The following CDH12 variants were observed in gnomAD, a reference collection of about 807,000 sequenced individuals.
The protein encoded by CDH12 is cadherin-12.
Under a neutral mutation model 74.1 loss-of-function variants are expected in CDH12, and 41 were observed. That is an observed-to-expected ratio of 0.55 (90% confidence interval 0.43 to 0.72). The LOEUF (loss-of-function observed/expected upper bound fraction) is 0.72, where lower values mean the gene tolerates loss of function less well. Among genes scored for constraint, CDH12 ranks in the 30% least tolerant of loss-of-function variants. The pLI, the probability that CDH12 is intolerant of heterozygous loss-of-function variation, is 0.00. For missense variants in CDH12, 945 were observed against 977.2 expected (o/e 0.97, Z 0.44); for synonymous variants, 399 against 355.0 (o/e 1.12, Z -1.39).
intron 10 of CDH12, among the ~76,000 whole-genome samples, chr5:21,797,074 G>C (rs1380865289): frequency 6.6e-6 from 1 of 152,054 alleles, no homozygotes; most frequent in East Asian, 1.9e-4. Context: ...AAGGGTGAGA[G>C]TAAGGAACCA....
At chr5:21,788,522 G>T (rs1561185714) in intron 10 of CDH12, among the ~76,000 whole-genome samples, 1 of 152,112 alleles carries the variant, frequency 6.6e-6, no homozygotes, top group East Asian at 1.9e-4. Flanking sequence ...TTCTCTATAA[G>T]TAGTCCCTGG....
At chr5:22,659,371 T>C (rs1434838251) in intron 1 of CDH12, among the ~76,000 whole-genome samples, 5 of 151,936 alleles carry the variant, frequency 3.3e-5, no homozygotes, top group Admixed American at 2.0e-4. Flanking sequence ...GTATGAAAAA[T>C]ATTTAGCAAA....
At chr5:22,671,271 A>C (rs1017909817) in intron 1 of CDH12, among the ~76,000 whole-genome samples, 1 of 152,146 alleles carries the variant, frequency 6.6e-6, no homozygotes, top group Admixed American at 6.6e-5. Context: ...GTGTGTGTAG[A>C]GTAGTAACCT....
At chr5:22,575,757 G>T (rs1739757182) in intron 1 of CDH12, among the ~76,000 whole-genome samples, 1 of 151,982 alleles carries the variant, frequency 6.6e-6, no homozygotes, top group East Asian at 1.9e-4. Context: ...TAGAGACAGG[G>T]TTTCATCATT....
intron 3 of CDH12, among the ~76,000 whole-genome samples, chr5:22,386,215 G>T (rs1741993009): frequency 6.6e-6 from 1 of 152,036 alleles, no homozygotes; most frequent in Non-Finnish European, 1.5e-5. Context: ...TAAACAACCA[G>T]ATCTTGTGAG....
At position 22,153,591 on chromosome 5, in the gene CDH12, G is replaced by C. The variant is rs1195690983; in HGVS notation, c.-187+58907C>G. Among the ~76,000 whole-genome samples, 5 of 151,066 alleles carry C rather than the reference G, an allele frequency of 3.3e-5. No homozygotes were observed. The Admixed American group carries it at 3.3e-4, about 10-fold the overall frequency. ...AGAGGAAATTCCTTAAGCTCTGTAA[G>C]CCTCAGTTTCTTTATCTGTAAAGTG... On this transcript the variant is annotated intron_variant, in intron 4 of 14. Transcript: ENST00000382254.
intron 10 of CDH12, among the ~76,000 whole-genome samples, chr5:21,799,451 A>G (rs908456210): frequency 6.6e-6 from 1 of 152,190 alleles, no homozygotes; most frequent in African/African-American, 2.4e-5. Flanking sequence ...GTGTGTTTAG[A>G]AGAGAACATT....
chr5:22,129,245 G>A (rs1746045922), intron 4 of CDH12, among the ~76,000 whole-genome samples: 1 of 152,216 alleles, frequency 6.6e-6, no homozygotes, highest in Non-Finnish European at 1.5e-5. Flanking sequence ...AGCAAGTTAT[G>A]TAACACCTCT....
At chr5:22,847,087 T>A (rs1217437232) in intron 1 of CDH12, among the ~76,000 whole-genome samples, 1 of 152,172 alleles carries the variant, frequency 6.6e-6, no homozygotes, top group East Asian at 1.9e-4. Flanking sequence ...TCTTGTAGGA[T>A]CTTATATTGG....
intron 5 of CDH12, among the ~76,000 whole-genome samples, chr5:22,015,244 T>G (rs1484125591): frequency 6.6e-6 from 1 of 152,202 alleles, no homozygotes; most frequent in Non-Finnish European, 1.5e-5. Context: ...GTGCCTTTAC[T>G]ATTAAAGAAA....
intron 2 of CDH12, among the ~76,000 whole-genome samples, chr5:22,421,018 G>A (rs2126496005): frequency 6.6e-6 from 1 of 152,198 alleles, no homozygotes; most frequent in East Asian, 1.9e-4. Context: ...AGGAATGCTT[G>A]TAATTTTTTC....
chr5:22,396,367 C>A (rs1465496976), intron 3 of CDH12, among the ~76,000 whole-genome samples: 1 of 152,054 alleles, frequency 6.6e-6, no homozygotes, highest in Non-Finnish European at 1.5e-5. Context: ...CTGCCTGATG[C>A]ACTAGAAGCT....
chr5:22,020,337 T>C (rs1193423131), intron 5 of CDH12, among the ~76,000 whole-genome samples: 1 of 152,006 alleles, frequency 6.6e-6, no homozygotes, highest in African/African-American at 2.4e-5. Context: ...GCAGATCGCC[T>C]GAGGTCAGGA....
rs574463659 is a variant in CDH12, at chr5:22,078,637, G to A, written c.40C>T (p.Leu14=). Residue 14 remains leucine (L), a synonymous_variant, in exon 5 of 15, where the codon CTG becomes TTG. Transcript: ENST00000382254. The part of the protein sequence containing the change: ...RNCLSLLLWV[L]FDGGLLTPLQ... ...GGTGTTAGGAGACCTCCATCAAACA[G>A]AACCCAGAGAAGCAGGGATAAACAG... 3 of 1,613,838 alleles carry A rather than the reference G, an allele frequency of 1.9e-6. No homozygotes were observed. The African/African-American group carries it at 4.0e-5, about 22-fold the overall frequency.
intron 1 of CDH12, among the ~76,000 whole-genome samples, chr5:22,645,320 T>C (rs1192618770): frequency 2.6e-5 from 4 of 152,048 alleles, no homozygotes; most frequent in East Asian, 1.9e-4. Context: ...CTGTATGACT[T>C]TGAGGGGTTC....
At chr5:21,980,849 GATT>G (rs1298534948) in intron 5 of CDH12, among the ~76,000 whole-genome samples, 1 of 151,864 alleles carries the variant, frequency 6.6e-6, no homozygotes, top group African/African-American at 2.4e-5. Context: ...TTTTTAGATG[GATT>G]ATATCATATT....
chr5:21,764,420 G>T (rs1307733601), intron 12 of CDH12, among the ~76,000 whole-genome samples: 1 of 149,820 alleles, frequency 6.7e-6, no homozygotes, highest in Non-Finnish European at 1.5e-5. Context: ...GAAATTTGCA[G>T]GTGTGTCACT....
At chr5:22,585,766 A>T (rs1268243140) in intron 1 of CDH12, among the ~76,000 whole-genome samples, 1 of 151,796 alleles carries the variant, frequency 6.6e-6, no homozygotes, top group African/African-American at 2.4e-5. Flanking sequence ...CTGCTTTTTT[A>T]CTTTTTTGGA....
intron 2 of CDH12, among the ~76,000 whole-genome samples, chr5:22,466,988 C>T (rs1281154305): frequency 7.1e-6 from 1 of 141,314 alleles, no homozygotes; most frequent in Admixed American, 7.9e-5. Flanking sequence ...GGGGTTTCAC[C>T]ATGTTGGCCA....
Sources: gnomAD v4.1 joint callset for allele counts (sites outside exome capture counted in the v4.1 genomes callset) on GRCh38, gnomAD v4.1.1 for gene constraint, MANE v1.5 for transcripts, NCBI Gene and HGNC (gene_info 2026-07-23, HGNC 2026-07-21) for gene names.